LAMP1: variants seen among roughly 807,000 people sequenced by gnomAD.
LAMP1 encodes the protein lysosome associated membrane protein 1, also known as lysosome-associated membrane glycoprotein 1.
In LAMP1, 7 loss-of-function variants were observed where a neutral mutation model predicts 37.5. That is an observed-to-expected ratio of 0.19 (90% CI 0.11 to 0.35). The LOEUF is 0.35. Ranked by LOEUF, LAMP1 falls within the 10% of genes least tolerant of loss-of-function variation. The pLI is 1.00. For synonymous variants in LAMP1, 236 were observed against 229.1 expected (o/e 1.03, Z -0.27); for missense variants, 537 against 552.8 (o/e 0.97, Z 0.29).
intron 1 of LAMP1, among the ~76,000 whole-genome samples, chr13:113,299,715 C>T (rs1017532964): frequency 2.6e-5 from 4 of 151,682 alleles, no homozygotes; most frequent in Non-Finnish European, 4.4e-5. Context: ...ACTACAGGTG[C>T]GCGCCACCAT....
chr13:113,303,625 GATGCTCTTATT>G (rs1167678965), intron 1 of LAMP1, among the ~76,000 whole-genome samples: 3 of 151,806 alleles, frequency 2.0e-5, no homozygotes, highest in Non-Finnish European at 4.4e-5. Flanking sequence ...TCTGTGTGCT[GATGCTCTTATT>G]TTCTTCTATA....
At chr13:113,312,875 GTGGGAGTTAGC>G (rs2042637949) in intron 4 of LAMP1, among the ~76,000 whole-genome samples, 3 of 152,168 alleles carry the variant, frequency 2.0e-5, no homozygotes, top group Non-Finnish European at 4.4e-5. Flanking sequence ...TCCCTACCAA[GTGGGAGTTAGC>G]GTAACACATG....
rs1290745191 is a variant in LAMP1 at position 113,323,494 on chromosome 13, G to A, written c.*1073G>A. On this transcript the variant is annotated 3_prime_UTR_variant, in exon 9 of 9. Coordinates refer to ENST00000332556, the MANE Select transcript of LAMP1 (RefSeq NM_005561.4). ...TGAGAGAAGGACGTCAGGGAAACGG[G>A]GTTGAGGGTGGTCTCGGTGCAGAGA... is the stretch of plus-strand genomic sequence containing the variant. 1.3e-5 allele frequency: 2 copies of A among 151,214 alleles called. No homozygotes were observed. The highest frequency in any genetic ancestry group is 4.9e-5 in the African/African-American group (2 of 40,750). The allele number at this position is 151,214 out of a possible 1,614,324, so 9.4% of individuals were successfully genotyped here.
rs1407610147 is a variant in LAMP1 at position 113,297,817 on chromosome 13, C to T, written c.61+322C>T. ...CGATGGCTTGCTCGGCGGTCTGGTG[C>T]TTTCAGGTCGTTAAGTTTCCTGGCA... On this transcript the variant is annotated intron_variant, in intron 1 of 8. Coordinates refer to ENST00000332556, the MANE Select transcript of LAMP1 (RefSeq NM_005561.4). The surrounding 1 kb of genome is among the most constrained non-coding windows in gnomAD (Gnocchi z 4.4). 6.6e-6 allele frequency among the ~76,000 whole-genome samples: 1 copy of T among 152,180 alleles called. No homozygotes were observed. Among genetic ancestry groups the T allele is most frequent in the African/African-American group, 2.4e-5 (1 of 41,460 alleles).
rs2042620435 is a variant in LAMP1 at position 113,309,874 on chromosome 13, A to G, written c.403+12A>G. ...TGCGAGCTCCAAAGGTAAGAACCAA[A>G]ATGGGCCGATTATGAAGTGATAGAA... On this transcript the variant is annotated intron_variant, in intron 3 of 8. Transcript: ENST00000332556. The G allele has an allele frequency of 6.2e-7, 1 of 1,600,474 alleles. No homozygotes were observed. The highest frequency in any genetic ancestry group is 8.6e-7 in the Non-Finnish European group (1 of 1,169,388).
At chr13:113,305,966 G>A (rs928143904) in intron 1 of LAMP1, 1 of 153,270 alleles carries the variant, frequency 6.5e-6, no homozygotes, top group African/African-American at 2.4e-5. Context: ...CAATCAGATG[G>A]GCTTAGAGAT....
chr13:113,317,043 C>G lies in LAMP1; in HGVS notation c.563-2426C>G, dbSNP rs558191149. On this transcript the variant is annotated intron_variant, in intron 4 of 8. Coordinates refer to ENST00000332556, the MANE Select transcript of LAMP1 (RefSeq NM_005561.4). ...GTCGGGAACCTGGGTGCAAACCAAT[C>G]TCATCCTCACAGACACCCTTGAGGG... Among the ~76,000 whole-genome samples, 13 of 152,312 alleles carry G rather than the reference C, an allele frequency of 8.5e-5. No homozygotes were observed. The East Asian group carries it at 2.1e-3, about 25-fold the overall frequency.
In LAMP1 at chr13:113,320,403, G is replaced by A. The variant is rs750003380; in HGVS notation, c.809G>A (p.Gly270Asp). 1 of 1,613,156 alleles carries A rather than the reference G, an allele frequency of 6.2e-7. No individual in the cohort carries two copies. The highest frequency in any genetic ancestry group is 2.2e-5 in the East Asian group (1 of 44,868). ...PNKTSASGSC[G>D]AHLVTLELHS... The stretch of plus-strand genomic sequence containing the variant: ...AAGACCTCGGCCAGCGGGAGCTGCG[G>A]CGCCCACCTGGTGACTCTGGAGCTG... The change falls in exon 6 of 9, where the codon GGC (glycine) becomes GAC (aspartate). Residue 270 changes from glycine to aspartate, a missense_variant. Transcript: ENST00000332556. The surrounding 1 kb of genome is among the most constrained non-coding windows in gnomAD (Gnocchi z 4.4).
chr13:113,310,615 G>T, intron 3 of LAMP1, 94 bp from the exon 4 acceptor site: 2 of 993,914 alleles, frequency 2.0e-6, no homozygotes, highest in Non-Finnish European at 2.9e-6. Flanking sequence ...ATCAAGACTG[G>T]AATCTATAAC....
At position 113,321,496 on chromosome 13, in the gene LAMP1, C is replaced by G. The variant is rs1447678166; in HGVS notation, c.943+26C>G. On this transcript the variant is annotated intron_variant, in intron 7 of 8. Transcript: ENST00000332556. The surrounding 1 kb of genome is among the most constrained non-coding windows in gnomAD (Gnocchi z 5.6). ...GTGAGAACCCACAATCTCTGCGAGC[C>G]CCGCCCCCGCCCGCGCGCCCAGGGT... 2 of 1,613,446 alleles carry G rather than the reference C, an allele frequency of 1.2e-6. No homozygotes were observed. Among genetic ancestry groups the G allele is most frequent in the African/African-American group, 2.7e-5 (2 of 74,892 alleles).
chr13:113,320,465 G>C lies in LAMP1; in HGVS notation c.871G>C (p.Gly291Arg), dbSNP rs538647194. The C allele has an allele frequency of 1.6e-5, 25 of 1,607,256 alleles. No homozygotes were observed. The South Asian group carries it at 2.6e-4, about 17-fold the overall frequency. Residue 291 changes from glycine to arginine, a missense_variant, in exon 6 of 9, where the codon GGG becomes CGG. Gly to Arg is a moderately radical substitution (Grantham distance 125). Transcript: ENST00000332556. The surrounding 1 kb of genome is among the most constrained non-coding windows in gnomAD (Gnocchi z 4.4). ...CACCACCGTCCTGCTCTTCCAGTTC[G>C]GGATGGTGAGGCTGGGGCGGCACCT... ...EGTTVLLFQF[G>R]MNASSSRFFL...
chr13:113,323,215 T>C lies in LAMP1; in HGVS notation c.*794T>C, dbSNP rs967806518. The stretch of plus-strand genomic sequence containing the variant: ...TGTCTGCAGCTCAAGGGCTGGCACT[T>C]TTTTAAATATAAAAATGGGTGTTAT... On this transcript the variant is annotated 3_prime_UTR_variant, in exon 9 of 9. Coordinates refer to ENST00000332556, the MANE Select transcript of LAMP1 (RefSeq NM_005561.4). The C allele has an allele frequency of 6.6e-6, 1 of 152,130 alleles. No homozygotes were observed. The highest frequency in any genetic ancestry group is 2.4e-5 in the African/African-American group (1 of 41,376). The allele number at this position is 152,130 out of a possible 1,614,324, so 9.4% of individuals were successfully genotyped here. A position where few individuals can be genotyped will look rare whatever the true frequency, so the allele number is the denominator to read the frequency against.
chr13:113,309,013 A>C (rs1384841743), intron 2 of LAMP1, among the ~76,000 whole-genome samples: 1 of 152,224 alleles, frequency 6.6e-6, no homozygotes, highest in Admixed American at 6.5e-5. Flanking sequence ...TCAAATATAT[A>C]TCTCACCCTG....
At chr13:113,315,474 C>T (rs1396368888) in intron 4 of LAMP1, among the ~76,000 whole-genome samples, 1 of 143,252 alleles carries the variant, frequency 7.0e-6, no homozygotes, top group Non-Finnish European at 1.5e-5. Flanking sequence ...ACTGCAACCT[C>T]TGCCTCCCGG....
At chr13:113,314,243 T>C (rs2042647856) in intron 4 of LAMP1, among the ~76,000 whole-genome samples, 1 of 126,760 alleles carries the variant, frequency 7.9e-6, no homozygotes, top group South Asian at 2.6e-4. Context: ...AGTGCGGAGA[T>C]GTCGGTGTGC....
chr13:113,319,092 C>T (rs904467259), intron 4 of LAMP1, among the ~76,000 whole-genome samples: 1 of 152,242 alleles, frequency 6.6e-6, no homozygotes, highest in Non-Finnish European at 1.5e-5. Flanking sequence ...CCTGCGTCCA[C>T]TCCTTCGTGA....
chr13:113,322,174 A>G lies in LAMP1; in HGVS notation c.1115-108A>G, dbSNP rs2042704971. The G allele has an allele frequency of 4.7e-6, 6 of 1,275,388 alleles. No homozygotes were observed. The South Asian group carries it at 8.9e-5, about 19-fold the overall frequency. 79.0% of individuals were successfully genotyped at this position (1,275,388 alleles called of 1,614,324 possible). A position where few individuals can be genotyped will look rare whatever the true frequency, so the allele number is the denominator to read the frequency against. ...CCAGCTAGAGCTGGAACCTTCCGCC[A>G]GGGTTCCTCTTTGCCTTTTGGCTGA... On this transcript the variant is annotated intron_variant, in intron 8 of 8. Transcript: ENST00000332556.
chr13:113,299,986 A>C (rs942600482), intron 1 of LAMP1, among the ~76,000 whole-genome samples: 1 of 152,212 alleles, frequency 6.6e-6, no homozygotes, highest in African/African-American at 2.4e-5. Flanking sequence ...GCTCAATTAC[A>C]AATTTCCACT....
intron 4 of LAMP1, among the ~76,000 whole-genome samples, chr13:113,315,318 G>C (rs530626935): frequency 5.3e-4 from 80 of 152,078 alleles, no homozygotes; most frequent in African/African-American, 1.9e-3. Flanking sequence ...CCTGGGGCGC[G>C]GCGTCCTGGA....
Sources: allele counts gnomAD v4.1 joint callset (sites outside exome capture counted in the v4.1 genomes callset), GRCh38; gene constraint gnomAD v4.1.1; non-coding constraint Gnocchi (gnomAD v3.1); transcripts MANE v1.5; gene names NCBI Gene and HGNC (gene_info 2026-07-23, HGNC 2026-07-21).